The following STIM1 variants were observed in gnomAD, a reference collection of about 807,000 sequenced individuals.
The protein encoded by STIM1 is stromal interaction molecule 1.
A neutral mutation model predicts 74.7 loss-of-function variants in STIM1; 25 were observed. That is an observed-to-expected ratio of 0.33 (90% CI 0.24 to 0.47). STIM1 has a LOEUF of 0.47. Ranked by LOEUF, STIM1 falls within the 20% of genes least tolerant of loss-of-function variation. STIM1 has a pLI of 1.00. For missense variants in STIM1, 728 were observed against 920.8 expected, an observed-to-expected ratio of 0.79 and a Z score of 2.71; for synonymous variants, 328 against 348.8, an observed-to-expected ratio of 0.94 and a Z score of 0.66.
At chr11:3,873,898 T>G (rs1297229661) in intron 1 of STIM1, among the ~76,000 whole-genome samples, 2 of 152,154 alleles carry the variant, frequency 1.3e-5, no homozygotes, top group Non-Finnish European at 2.9e-5. Flanking sequence ...GGCTGAACTG[T>G]GTGAAGGGCA....
intron 3 of STIM1, among the ~76,000 whole-genome samples, chr11:4,052,457 T>G (rs1363375362): frequency 6.6e-6 from 1 of 152,162 alleles, no homozygotes; most frequent in Non-Finnish European, 1.5e-5. Context: ...ATCTGATCTT[T>G]GACAAACCTG....
chr11:4,059,411 G>T lies in STIM1; in HGVS notation c.613+15G>T. The T allele has an allele frequency of 1.2e-6, 2 of 1,608,662 alleles. No individual in the cohort carries two copies. Among genetic ancestry groups the T allele is most frequent in the South Asian group, 2.2e-5 (2 of 90,910 alleles). On this transcript the variant is annotated intron_variant, in intron 5 of 12. Transcript: ENST00000526596. ...GCCTCCTCTCTGTGAGTCTTGTGTT[G>T]AGAAGGGCTACTGCTGTGCCATGGA...
chr11:3,967,428 C>T, intron 1 of STIM1, 124 bp from the exon 2 acceptor site: 3 of 1,436,210 alleles, frequency 2.1e-6, no homozygotes, highest in Non-Finnish European at 2.9e-6. Flanking sequence ...TGTCACTGTA[C>T]AAGTAGCCAG....
chr11:4,046,730 A>G (rs1477058446), intron 3 of STIM1, among the ~76,000 whole-genome samples: 2 of 152,118 alleles, frequency 1.3e-5, no homozygotes, highest in African/African-American at 4.8e-5. Context: ...GCTCACTGCA[A>G]CCTTGAACTC....
chr11:3,920,191 C>A (rs924157144), intron 1 of STIM1, among the ~76,000 whole-genome samples: 1 of 151,796 alleles, frequency 6.6e-6, no homozygotes, highest in Non-Finnish European at 1.5e-5. Flanking sequence ...AAAGTCCTGC[C>A]TTCAAGCAGT....
chr11:4,032,758 T>C (rs1450999242), intron 3 of STIM1, among the ~76,000 whole-genome samples: 1 of 152,260 alleles, frequency 6.6e-6, no homozygotes, highest in Non-Finnish European at 1.5e-5. Flanking sequence ...CACTAAGTAG[T>C]TCATAGTTTT....
At chr11:3,883,609 TC>T (rs1486234547) in intron 1 of STIM1, among the ~76,000 whole-genome samples, 3 of 152,240 alleles carry the variant, frequency 2.0e-5, no homozygotes, top group Non-Finnish European at 4.4e-5. Flanking sequence ...TGCCTCAGCC[TC>T]CCAAAGTGTT....
intron 1 of STIM1, among the ~76,000 whole-genome samples, chr11:3,906,059 G>T (rs2092460508): frequency 6.6e-6 from 1 of 152,120 alleles, no homozygotes; most frequent in Non-Finnish European, 1.5e-5. Context: ...TTCTTACCAG[G>T]GCCCCTGAGG....
chr11:4,002,462 C>G (rs956481384), intron 2 of STIM1, among the ~76,000 whole-genome samples: 1 of 151,952 alleles, frequency 6.6e-6, no homozygotes, highest in Non-Finnish European at 1.5e-5. Context: ...TACATGGAAA[C>G]TGAACAACCT....
At chr11:3,946,718 C>T (rs2093078999) in intron 1 of STIM1, among the ~76,000 whole-genome samples, 1 of 152,024 alleles carries the variant, frequency 6.6e-6, no homozygotes, top group Non-Finnish European at 1.5e-5. Context: ...GTTTCCTGAC[C>T]TGCTATACTT....
chr11:3,916,941 A>C (rs769099529), intron 1 of STIM1, among the ~76,000 whole-genome samples: 1 of 152,190 alleles, frequency 6.6e-6, no homozygotes, highest in Non-Finnish European at 1.5e-5. Flanking sequence ...GTGGTTTGGC[A>C]ATGTTTTAGT....
At chr11:3,970,669 T>G (rs2093384232) in intron 2 of STIM1, among the ~76,000 whole-genome samples, 2 of 152,122 alleles carry the variant, frequency 1.3e-5, no homozygotes, top group African/African-American at 4.8e-5. Flanking sequence ...AGCCATCATC[T>G]CAAGTTATTT....
chr11:4,055,755 A>G (rs2094284251), intron 4 of STIM1, 118 bp downstream of exon 4: 3 of 708,840 alleles, frequency 4.2e-6, no homozygotes, highest in South Asian at 1.8e-5. Context: ...GGCAGCGTCT[A>G]TAGATCTTGC....
intron 1 of STIM1, among the ~76,000 whole-genome samples, chr11:3,916,342 A>G (rs1168334084): frequency 6.6e-6 from 1 of 151,624 alleles, no homozygotes; most frequent in African/African-American, 2.4e-5. Context: ...GCTGGAGTGC[A>G]GTGGCGTGAT....
chr11:3,933,686 T>A (rs1327457059), intron 1 of STIM1, among the ~76,000 whole-genome samples: 1 of 152,134 alleles, frequency 6.6e-6, no homozygotes, highest in Non-Finnish European at 1.5e-5. Flanking sequence ...CTAGAGTCTC[T>A]CTCTCTTCCC....
chr11:4,009,314 T>A (rs2093813430), intron 2 of STIM1, among the ~76,000 whole-genome samples: 1 of 130,994 alleles, frequency 7.6e-6, no homozygotes, highest in Non-Finnish European at 1.6e-5. Context: ...AAAAGTTGCA[T>A]TTTAAAATTA....
intron 2 of STIM1, among the ~76,000 whole-genome samples, chr11:3,986,029 C>T (rs940854377): frequency 7.1e-4 from 108 of 152,270 alleles, no homozygotes; most frequent in African/African-American, 2.6e-3. Flanking sequence ...TCCTTGCCTT[C>T]TTTCTCTCTT....
chr11:3,875,055 GA>G (rs1187191332), intron 1 of STIM1, among the ~76,000 whole-genome samples: 1 of 151,650 alleles, frequency 6.6e-6, no homozygotes, highest in African/African-American at 2.4e-5. Context: ...GCAACCTACA[GA>G]GCTAGGCTTA....
intron 1 of STIM1, among the ~76,000 whole-genome samples, chr11:3,913,173 C>G (rs978372024): frequency 3.3e-5 from 5 of 152,046 alleles, no homozygotes; most frequent in Non-Finnish European, 7.4e-5. Flanking sequence ...CATCAAATTG[C>G]TGCAGTATCA....
Sources: allele counts gnomAD v4.1 joint callset (sites outside exome capture counted in the v4.1 genomes callset), GRCh38; gene constraint gnomAD v4.1.1; transcripts MANE v1.5; gene names NCBI Gene and HGNC (gene_info 2026-07-23, HGNC 2026-07-21).